NOX4: variants seen among roughly 807,000 people sequenced by gnomAD.
NOX4 encodes kidney oxidase-1.
In NOX4, 69 loss-of-function variants were observed where a neutral mutation model predicts 87.6. The ratio of observed to expected loss-of-function variants is 0.79; its 90% CI spans 0.65 to 0.96. NOX4 has a LOEUF of 0.96. Among genes scored for constraint, NOX4 ranks in the 40% least tolerant of loss-of-function variants. NOX4 has a pLI of 0.00. For synonymous variants in NOX4, 275 were observed against 238.2 expected, an observed-to-expected ratio of 1.15 and a Z score of -1.42; for missense variants, 680 against 681.5, an observed-to-expected ratio of 1.00 and a Z score of 0.02.
chr11:89,399,607 A>T (rs1403567852), intron 11 of NOX4, among the ~76,000 whole-genome samples: 1 of 149,712 alleles, frequency 6.7e-6, no homozygotes, highest in African/African-American at 2.5e-5. Flanking sequence ...GGGACTACAG[A>T]TGTGTACCAC....
chr11:89,551,998 C>G, the NOX4 span, among the ~76,000 whole-genome samples: 2 of 152,106 alleles, frequency 1.3e-5, no homozygotes, highest in Non-Finnish European at 2.9e-5. Flanking sequence ...CACACTCACA[C>G]ACATATATAC....
intron 2 of NOX4, among the ~76,000 whole-genome samples, chr11:89,466,964 A>G (rs572554832): frequency 6.6e-6 from 1 of 152,306 alleles, no homozygotes; most frequent in Admixed American, 6.5e-5. Context: ...TAGTAGGCCA[A>G]TATGTTTCAT....
chr11:89,495,132 T>A (rs566092401), upstream of NOX4, among the ~76,000 whole-genome samples: 41 of 152,114 alleles, frequency 2.7e-4, no homozygotes, highest in African/African-American at 9.4e-4. Context: ...TTGCTTTTTG[T>A]TTGTTTGGTT....
chr11:89,368,481 A>G (rs1939185930), intron 12 of NOX4, among the ~76,000 whole-genome samples: 1 of 152,092 alleles, frequency 6.6e-6, no homozygotes, highest in South Asian at 2.1e-4. Flanking sequence ...CTCCGCTTCT[A>G]AGCTGGTGCC....
At chr11:89,533,808 C>T in the NOX4 span, 2 of 152,350 alleles carry the variant, frequency 1.3e-5, no homozygotes, top group Middle Eastern at 3.4e-3. Flanking sequence ...GTTGATTCTA[C>T]ACAGCTTGTC....
chr11:89,541,019 G>C, the NOX4 span, among the ~76,000 whole-genome samples: 1 of 151,878 alleles, frequency 6.6e-6, no homozygotes, highest in Admixed American at 6.6e-5. Context: ...ACTTACCAAG[G>C]TGTTTTATAG....
chr11:89,474,360 G>A (rs965788690), intron 2 of NOX4, among the ~76,000 whole-genome samples: 1 of 149,890 alleles, frequency 6.7e-6, no homozygotes, highest in African/African-American at 2.5e-5. Context: ...ATCACATCTT[G>A]GAATTTCTTT....
At chr11:89,389,075 T>A (rs1459690518) in intron 11 of NOX4, among the ~76,000 whole-genome samples, 2 of 152,176 alleles carry the variant, frequency 1.3e-5, no homozygotes, top group African/African-American at 4.8e-5. Context: ...AAATCCATGA[T>A]CTGATACTAC....
chr11:89,359,679 G>A (rs1938369039), intron 12 of NOX4, among the ~76,000 whole-genome samples: 1 of 151,954 alleles, frequency 6.6e-6, no homozygotes, highest in South Asian at 2.1e-4. Flanking sequence ...TTGCTAGAGA[G>A]ACCCAGACAG....
At position 89,325,166 on chromosome 11, in the gene NOX4, C is replaced by G. The variant is rs1945177975; in HGVS notation, c.*1590G>C. On this transcript the variant is annotated 3_prime_UTR_variant, in exon 18 of 18. Transcript: ENST00000263317. Reference sequence around the variant, plus strand: ...TTGAGATGGAATCTTGCTCTGTCACCCAGGCTGGAGTGCAGTGGTGCAATC... The same window carrying G: ...TTGAGATGGAATCTTGCTCTGTCACGCAGGCTGGAGTGCAGTGGTGCAATC... The G allele has an allele frequency of 8.1e-6, 1 of 124,086 alleles. No homozygotes were observed. The highest frequency in any genetic ancestry group is 9.3e-5 in the Admixed American group (1 of 10,714). 7.7% of individuals were successfully genotyped at this position (124,086 alleles called of 1,614,324 possible).
chr11:89,346,139 T>G (rs914243571), intron 13 of NOX4, among the ~76,000 whole-genome samples: 11 of 152,214 alleles, frequency 7.2e-5, no homozygotes, highest in Admixed American at 4.6e-4. Context: ...ACCAGTAATG[T>G]TCAAGCTGAG....
At chr11:89,420,606 GT>G (rs1943029940) in intron 8 of NOX4, among the ~76,000 whole-genome samples, 1 of 151,760 alleles carries the variant, frequency 6.6e-6, no homozygotes, top group Non-Finnish European at 1.5e-5. Context: ...CTAAAATCAG[GT>G]GGAAAAAAGC....
the NOX4 span, among the ~76,000 whole-genome samples, chr11:89,571,581 T>C: frequency 6.6e-6 from 1 of 151,994 alleles, no homozygotes; most frequent in Non-Finnish European, 1.5e-5. Context: ...AGGCGTGAGC[T>C]ACCGCACCCA....
intron 2 of NOX4, among the ~76,000 whole-genome samples, chr11:89,453,642 A>T (rs1357034705): frequency 6.6e-6 from 1 of 152,198 alleles, no homozygotes; most frequent in East Asian, 1.9e-4. Flanking sequence ...ACACTTATTA[A>T]TACATTAAAC....
At chr11:89,488,883 T>C (rs1946734333) in intron 2 of NOX4, 1 of 642,442 alleles carries the variant, frequency 1.6e-6, no homozygotes. Context: ...TTTATTGAAT[T>C]ATAATTATTT....
chr11:89,446,693 C>T (rs942305082), intron 4 of NOX4, among the ~76,000 whole-genome samples: 8 of 152,054 alleles, frequency 5.3e-5, no homozygotes, highest in African/African-American at 1.7e-4. Flanking sequence ...TAAACACTAA[C>T]CAGTGGTGGT....
intron 17 of NOX4, among the ~76,000 whole-genome samples, chr11:89,330,279 T>C (rs2135361979): frequency 6.6e-6 from 1 of 152,098 alleles, no homozygotes; most frequent in South Asian, 2.1e-4. Context: ...AGCCCAGGAA[T>C]TCAAGGTTGC....
intron 17 of NOX4, among the ~76,000 whole-genome samples, chr11:89,332,069 TG>T (rs1281092890): frequency 6.6e-6 from 1 of 151,840 alleles, no homozygotes; most frequent in Non-Finnish European, 1.5e-5. Context: ...AAATGTGGTT[TG>T]GGGGTAGACA....
the NOX4 span, among the ~76,000 whole-genome samples, chr11:89,586,557 G>A: frequency 2.0e-5 from 3 of 152,090 alleles, no homozygotes; most frequent in Admixed American, 1.3e-4. Flanking sequence ...TTGTGGCACT[G>A]GTAATATAAA....
Sources: gnomAD v4.1 joint callset for allele counts (sites outside exome capture counted in the v4.1 genomes callset) on GRCh38, gnomAD v4.1.1 for gene constraint, MANE v1.5 for transcripts, NCBI Gene and HGNC (gene_info 2026-07-23, HGNC 2026-07-21) for gene names.